The following TESK2 variants were observed in gnomAD, a reference collection of about 807,000 sequenced individuals.
The protein encoded by TESK2 is testis associated actin remodelling kinase 2.
In TESK2, 39 loss-of-function variants were observed where a neutral mutation model predicts 57.1. That is an observed-to-expected ratio of 0.68 (90% confidence interval 0.53 to 0.89). TESK2 has a LOEUF of 0.89. Ranked by LOEUF, TESK2 falls within the 40% of genes least tolerant of loss-of-function variation. The probability of loss-of-function intolerance (pLI) is 0.00; values close to 1 mark genes in which losing one functional copy is unlikely to be tolerated. For synonymous variants in TESK2, 249 were observed against 267.9 expected, an observed-to-expected ratio of 0.93 and a Z score of 0.69; for missense variants, 646 against 732.1, an observed-to-expected ratio of 0.88 and a Z score of 1.36.
In TESK2 at chr1:45,385,259, C is replaced by T. The variant is rs571726600; in HGVS notation, c.393+653G>A. The T allele has an allele frequency of 1.2e-5, 10 of 866,628 alleles. No homozygotes were observed. In the South Asian group the frequency reaches 3.7e-4, roughly 32 times the overall value. The allele number at this position is 866,628 out of a possible 1,614,324, so 53.7% of individuals were successfully genotyped here. Reference sequence around the variant, plus strand: ...TCCAGGAATCTGTGTTTCCAAGGAGCACCCAAGCAAGGTCTGAAGTTGATA... The same window carrying T: ...TCCAGGAATCTGTGTTTCCAAGGAGTACCCAAGCAAGGTCTGAAGTTGATA... On this transcript the variant is annotated intron_variant, in intron 4 of 10. Transcript: ENST00000372086.
intron 1 of TESK2, among the ~76,000 whole-genome samples, chr1:45,474,906 T>A (rs533459201): frequency 6.6e-6 from 1 of 151,306 alleles, no homozygotes; most frequent in Non-Finnish European, 1.5e-5. Context: ...TAATGTGAGA[T>A]GGTAAAGCAC....
chr1:45,435,590 T>A (rs1212779066), intron 2 of TESK2, among the ~76,000 whole-genome samples: 12 of 113,614 alleles, frequency 1.1e-4, no homozygotes, highest in African/African-American at 3.5e-5. Context: ...TTTTTTTTTG[T>A]AGAGACAAGG....
intron 4 of TESK2, among the ~76,000 whole-genome samples, chr1:45,384,621 T>TTTA (rs1298381550): frequency 7.2e-5 from 10 of 139,248 alleles, no homozygotes; most frequent in African/African-American, 8.3e-5. Flanking sequence ...TTTTTTTTTT[T>TTTA]TTTTTGTAGA....
intron 4 of TESK2, among the ~76,000 whole-genome samples, chr1:45,369,597 A>G (rs1450672171): frequency 6.6e-6 from 1 of 152,252 alleles, no homozygotes; most frequent in African/African-American, 2.4e-5. Context: ...CATTATGATC[A>G]AATGAGTGGT....
At position 45,346,768 on chromosome 1, in the gene TESK2, C is replaced by T; in HGVS notation, c.804G>A (p.Leu268=). Residue 268 remains leucine, a synonymous_variant, in exon 9 of 11, where the codon CTG becomes CTA. Transcript: ENST00000372086. ...DYLPRTENFG[L]DYDAFQHMVG... is the part of the protein sequence containing the mutation. ...CCATGTGCTGGAAAGCATCATAGTC[C>T]AGCCCGAAATTCTGTGGATGGGTAT... is the stretch of plus-strand genomic sequence containing the variant. 6.2e-7 allele frequency: 1 copy of T among 1,614,064 alleles called. No individual in the cohort carries two copies. The highest frequency in any genetic ancestry group is 8.5e-7 in the Non-Finnish European group (1 of 1,179,996).
chr1:45,344,741 C>T lies in TESK2; in HGVS notation c.*99G>A. 3.3e-6 allele frequency: 4 copies of T among 1,212,838 alleles called. No homozygotes were observed. The highest frequency in any genetic ancestry group is 4.6e-6 in the Non-Finnish European group (4 of 864,584). 75.1% of individuals were successfully genotyped at this position (1,212,838 alleles called of 1,614,324 possible). On this transcript the variant is annotated 3_prime_UTR_variant, in exon 11 of 11. Transcript: ENST00000372086. ...AGCCTGGCTTGGCCTAGCCTGCCTG[C>T]TCTGTAGGCTCCAGGGAAGAATCAA...
intron 3 of TESK2, among the ~76,000 whole-genome samples, chr1:45,405,741 T>C (rs1231537619): frequency 6.6e-6 from 1 of 151,440 alleles, no homozygotes; most frequent in Non-Finnish European, 1.5e-5. Flanking sequence ...TGTGGTGGTG[T>C]ATACGTGTAG....
At chr1:45,415,162 G>T in intron 3 of TESK2, 2 of 1,518,230 alleles carry the variant, frequency 1.3e-6, no homozygotes, top group South Asian at 2.2e-5. Flanking sequence ...AAAGGATTTG[G>T]TTATAAGGGT....
At chr1:45,365,200 C>A (rs994133205) in intron 4 of TESK2, among the ~76,000 whole-genome samples, 1 of 152,136 alleles carries the variant, frequency 6.6e-6, no homozygotes, top group African/African-American at 2.4e-5. Context: ...TCCAAAGAAG[C>A]CTCCTGTTCT....
intron 3 of TESK2, among the ~76,000 whole-genome samples, chr1:45,402,720 G>A (rs1649678713): frequency 6.6e-6 from 1 of 151,926 alleles, no homozygotes. Flanking sequence ...GACTTCAGGT[G>A]ATCCGCCCAC....
At chr1:45,361,315 A>G (rs1445208597) in intron 4 of TESK2, among the ~76,000 whole-genome samples, 1 of 152,124 alleles carries the variant, frequency 6.6e-6, no homozygotes, top group East Asian at 1.9e-4. Flanking sequence ...CAGCTAGACT[A>G]CTCCCTCGGT....
chr1:45,430,836 T>C (rs17399936), intron 2 of TESK2, among the ~76,000 whole-genome samples: 2,234 of 152,274 alleles, frequency 0.015, 30 homozygotes, highest in Non-Finnish European at 0.025. Flanking sequence ...GCTACTAATA[T>C]ATGGACGGAC....
At chr1:45,486,045 T>C (rs924386927) in intron 1 of TESK2, among the ~76,000 whole-genome samples, 5 of 152,224 alleles carry the variant, frequency 3.3e-5, no homozygotes, top group African/African-American at 4.8e-5. Flanking sequence ...TTTTCAGGAA[T>C]GGAAGACATA....
intron 2 of TESK2, among the ~76,000 whole-genome samples, chr1:45,432,669 C>T (rs1651021385): frequency 1.4e-5 from 2 of 142,998 alleles, no homozygotes; most frequent in Non-Finnish European, 3.0e-5. Context: ...CCAGCCTGGG[C>T]AAAAGAGCCA....
intron 1 of TESK2, among the ~76,000 whole-genome samples, chr1:45,475,209 C>CTTTTTT (rs375872140): frequency 1.1e-4 from 12 of 113,158 alleles, no homozygotes; most frequent in East Asian, 2.3e-4. Flanking sequence ...TTAGCCTGGC[C>CTTTTTT]TTTTTTTTTT....
chr1:45,458,800 C>T (rs1191159358), intron 1 of TESK2, among the ~76,000 whole-genome samples: 1 of 151,868 alleles, frequency 6.6e-6, no homozygotes, highest in Admixed American at 6.6e-5. Context: ...AAGCACAGTC[C>T]AGTAGAAGTA....
chr1:45,462,255 T>C (rs572335947), intron 1 of TESK2, among the ~76,000 whole-genome samples: 27 of 152,002 alleles, frequency 1.8e-4, no homozygotes, highest in Non-Finnish European at 5.9e-5. Flanking sequence ...ATCCATGCTG[T>C]TGCAAAAAAA....
chr1:45,365,915 C>T (rs1473389882), intron 4 of TESK2, among the ~76,000 whole-genome samples: 1 of 151,846 alleles, frequency 6.6e-6, no homozygotes, highest in African/African-American at 2.4e-5. Context: ...ACCTTGTGAT[C>T]CACCTACCTT....
chr1:45,481,776 C>A, intron 1 of TESK2, among the ~76,000 whole-genome samples: 1 of 152,162 alleles, frequency 6.6e-6, no homozygotes, highest in East Asian at 1.9e-4. Context: ...TATGTAGATA[C>A]TAGTCTATTT....
Sources: gnomAD v4.1 joint callset for allele counts (sites outside exome capture counted in the v4.1 genomes callset) on GRCh38, gnomAD v4.1.1 for gene constraint, MANE v1.5 for transcripts, NCBI Gene and HGNC (gene_info 2026-07-23, HGNC 2026-07-21) for gene names.